Variants in SYCP3 observed in about 807,000 individuals in gnomAD.
SYCP3 encodes synaptonemal complex protein 3.
SYCP3 carries 29 observed loss-of-function variants against 38.5 expected under a neutral mutation model. That is an observed-to-expected ratio of 0.75 (90% CI 0.56 to 1.03). The LOEUF (loss-of-function observed/expected upper bound fraction) is 1.03. SYCP3 is among the 50% of genes least tolerant of loss of function. SYCP3 has a pLI of 0.00. For missense variants in SYCP3, 242 were observed against 270.7 expected, an observed-to-expected ratio of 0.89 and a Z score of 0.74; for synonymous variants, 79 against 80.3, an observed-to-expected ratio of 0.98 and a Z score of 0.08.
At chr12:101,731,774 G>T in intron 6 of SYCP3, 108 bp from the exon 7 acceptor site, 1 of 785,268 alleles carries the variant, frequency 1.3e-6, no homozygotes, top group Non-Finnish European at 1.9e-6. Flanking sequence ...AAAAATCAAT[G>T]CTTTTAAAAT....
chr12:101,736,940 A>T, intron 4 of SYCP3, 97 bp downstream of exon 4: 1 of 1,158,110 alleles, frequency 8.6e-7, no homozygotes, highest in Non-Finnish European at 1.3e-6. Context: ...CAAGGCATTA[A>T]ATAACAGTCT....
At chr12:101,739,226 G>A in intron 1 of SYCP3, 125 bp downstream of exon 1, 1 of 988,904 alleles carries the variant, frequency 1.0e-6, no homozygotes, top group Middle Eastern at 3.3e-4. Flanking sequence ...CTGTCCTCAG[G>A]TTCGCGGCCT....
In SYCP3 at chr12:101,728,846, T is replaced by A; in HGVS notation, c.*81A>T. On this transcript the variant is annotated 3_prime_UTR_variant, in exon 9 of 9. Transcript: ENST00000392924. Reference sequence around the variant, plus strand: ...TAAAGATGTTACAATTAAACTATTCTAAAGACTTACAATATGCTTCTTAGC... The same window carrying A: ...TAAAGATGTTACAATTAAACTATTCAAAAGACTTACAATATGCTTCTTAGC... 6.3e-7 allele frequency: 1 copy of A among 1,594,856 alleles called. No individual in the cohort carries two copies. The highest frequency in any genetic ancestry group is 8.6e-7 in the Non-Finnish European group (1 of 1,165,628).
intron 7 of SYCP3, chr12:101,730,516 G>A: frequency 5.6e-6 from 2 of 357,468 alleles, no homozygotes; most frequent in Non-Finnish European, 1.0e-5. Context: ...TTTTTTTTGA[G>A]GCAGGGTCTC....
intron 6 of SYCP3, 50 bp from the exon 7 acceptor site, chr12:101,731,716 T>A (rs747641259): frequency 7.4e-7 from 1 of 1,352,890 alleles, no homozygotes; most frequent in East Asian, 2.5e-5. Flanking sequence ...TGGGTAAAAT[T>A]TTAAATTTAG....
At position 101,731,615 on chromosome 12, in the gene SYCP3, T is replaced by C; in HGVS notation, c.505A>G (p.Ser169Gly). Residue 169 changes from serine (S) to glycine (G), a missense_variant, in exon 7 of 9, where the codon AGC becomes GGC. Transcript: ENST00000392924. ...TGTTTAATTGTTTTCAATCTCTGGC[T>C]CTGAACAATTCTAGATTGTTGAAGA... The part of the protein sequence containing the change: ...KILQQSRIVQ[S>G]QRLKTIKQLY... 2.5e-6 allele frequency: 4 copies of C among 1,606,728 alleles called. No individual in the cohort carries two copies. The highest frequency in any genetic ancestry group is 3.4e-6 in the Non-Finnish European group (4 of 1,178,298).
chr12:101,738,518 C>T (rs1362790525), intron 1 of SYCP3, among the ~76,000 whole-genome samples: 1 of 151,818 alleles, frequency 6.6e-6, no homozygotes, highest in East Asian at 1.9e-4. Flanking sequence ...GGGTGGATCA[C>T]CTGAGGTCAG....
chr12:101,734,767 C>CT, intron 5 of SYCP3, among the ~76,000 whole-genome samples, 160 bp downstream of exon 5: 1 of 152,244 alleles, frequency 6.6e-6, no homozygotes, highest in Non-Finnish European at 1.5e-5. Flanking sequence ...AGGCTGGTCT[C>CT]TAACTCCTGA....
intron 4 of SYCP3, among the ~76,000 whole-genome samples, chr12:101,736,089 T>C (rs1952431489): frequency 6.6e-6 from 1 of 151,586 alleles, no homozygotes; most frequent in African/African-American, 2.4e-5. Context: ...AATTTCTAGA[T>C]AAATTAAGAT....
chr12:101,733,785 G>A (rs967062792), intron 5 of SYCP3, 111 bp from the exon 6 acceptor site: 2 of 959,056 alleles, frequency 2.1e-6, no homozygotes, highest in African/African-American at 3.3e-5. Flanking sequence ...AATACCTGCA[G>A]CTTAAGTCTT....
chr12:101,731,702 A>G (rs747413956), intron 6 of SYCP3, 36 bp from the exon 7 acceptor site: 96 of 1,438,562 alleles, frequency 6.7e-5, no homozygotes, highest in Non-Finnish European at 8.3e-5. Flanking sequence ...GTGTAATAAC[A>G]ATTTGGGTAA....
chr12:101,730,298 A>G lies in SYCP3; in HGVS notation c.553-1085T>C, dbSNP rs147737208. On this transcript the variant is annotated intron_variant, in intron 7 of 8. Coordinates refer to ENST00000392924, the MANE Select transcript of SYCP3 (RefSeq NM_001177949.2). The stretch of plus-strand genomic sequence containing the variant: ...AATAACTGGATGTGACAGAGAAAGG[A>G]GATGGAAGAGTCAAAGGTTATACTA... Among the ~76,000 whole-genome samples, 130 of 152,234 alleles carry G rather than the reference A, an allele frequency of 8.5e-4. 1 individual carries two copies. The highest frequency in any genetic ancestry group is 1.6e-3 in the African/African-American group (66 of 41,544).
rs371241892 is a variant in SYCP3, at chr12:101,737,953, C to T, written c.-17-1G>A. 5.1e-5 allele frequency: 82 copies of T among 1,613,986 alleles called. No homozygotes were observed. The African/African-American group carries it at 9.2e-4, about 18-fold the overall frequency. ...GACACCATATTTAGATGCTTCCTGA[C>T]TTTAAAAAACAAATTTCTTTAACCT... is the stretch of plus-strand genomic sequence containing the variant. On this transcript the variant is annotated splice_acceptor_variant, in intron 1 of 8. Transcript: ENST00000392924. LOFTEE classifies it low-confidence loss of function (5UTR_SPLICE).
Position 101,737,790 on chromosome 12 carries a change from A to C in SYCP3, c.133+13T>G. On this transcript the variant is annotated intron_variant, in intron 2 of 8. Transcript: ENST00000392924. ...CTGAAGGACATCACTGCCCAACATG[A>C]GATGTACTGCACCTTCAATAACATC... 6.2e-7 allele frequency: 1 copy of C among 1,614,134 alleles called. No homozygotes were observed. Among genetic ancestry groups the C allele is most frequent in the Middle Eastern group, 1.6e-4 (1 of 6,062 alleles).
Position 101,728,932 on chromosome 12 carries a change from A to G in SYCP3, c.706T>C (p.Phe236Leu). ...GTTCTTTCTTCAAAGAGTCATCAGA[A>G]TAACATGGATTGAAGAGACTTCCGA... The part of the protein sequence containing the change: ...SVRKSLQSML[F>L] The change falls in exon 9 of 9, where the codon TTC becomes CTC. Residue 236 changes from phenylalanine to leucine, a missense_variant. Coordinates refer to ENST00000392924, the MANE Select transcript of SYCP3 (RefSeq NM_001177949.2). The G allele has an allele frequency of 6.2e-7, 1 of 1,613,586 alleles. No individual in the cohort carries two copies. The highest frequency in any genetic ancestry group is 8.5e-7 in the Non-Finnish European group (1 of 1,179,702).
chr12:101,731,302 T>C (rs891546826), intron 7 of SYCP3, among the ~76,000 whole-genome samples: 1 of 152,164 alleles, frequency 6.6e-6, no homozygotes, highest in Non-Finnish European at 1.5e-5. Context: ...TGAAGTGTTA[T>C]TAAAGTATGG....
rs1338005784 is a variant in SYCP3 at position 101,734,923 on chromosome 12, T to C, written c.353+4A>G. 2 of 1,593,874 alleles carry C rather than the reference T, an allele frequency of 1.3e-6. No homozygotes were observed. Among genetic ancestry groups the C allele is most frequent in the Non-Finnish European group, 1.7e-6 (2 of 1,161,754 alleles). On this transcript the variant is annotated splice_donor_region_variant and intron_variant, in intron 5 of 8. Coordinates refer to ENST00000392924, the MANE Select transcript of SYCP3 (RefSeq NM_001177949.2). ...TGGCTCTAAAAAAAAAGCAACCACC[T>C]TACCTTTGATCTTGTTGTGTTTTCC...
rs751618412 is a variant in SYCP3 at position 101,737,017 on chromosome 12, A to C, written c.235+20T>G. 1.2e-6 allele frequency: 2 copies of C among 1,612,628 alleles called. No homozygotes were observed. Among genetic ancestry groups the C allele is most frequent in the Admixed American group, 1.7e-5 (1 of 60,012 alleles). On this transcript the variant is annotated intron_variant, in intron 4 of 8. Transcript: ENST00000392924. ...GCTTAAAACAATTTTCTTTAAATAC[A>C]AGTATCTCCTAAAACCTACCTCCAA...
chr12:101,738,289 G>A (rs1183199367), intron 1 of SYCP3, among the ~76,000 whole-genome samples: 3 of 150,820 alleles, frequency 2.0e-5, no homozygotes, highest in African/African-American at 2.4e-5. Context: ...TTAACCGGGC[G>A]TGGTGGCACG....
Sources: allele counts gnomAD v4.1 joint callset (sites outside exome capture counted in the v4.1 genomes callset), GRCh38; gene constraint gnomAD v4.1.1; transcripts MANE v1.5; gene names NCBI Gene and HGNC (gene_info 2026-07-23, HGNC 2026-07-21).